The following TTL variants were observed in gnomAD, a reference collection of about 807,000 sequenced individuals.
The protein encoded by TTL is tubulin tyrosine ligase, also known as tubulin--tyrosine ligase.
A neutral mutation model predicts 41.1 loss-of-function variants in TTL; 10 were observed. That is an observed-to-expected ratio of 0.24 (90% CI 0.15 to 0.41). The LOEUF (loss-of-function observed/expected upper bound fraction) is 0.41. Among genes scored for constraint, TTL ranks in the 10% least tolerant of loss-of-function variants. The pLI, the probability that TTL is intolerant of heterozygous loss-of-function variation, is 1.00. For missense variants in TTL, 367 were observed against 460.4 expected (o/e 0.80, Z 1.86); for synonymous variants, 175 against 175.5 (o/e 1.00, Z 0.02).
intron 5 of TTL, among the ~76,000 whole-genome samples, chr2:112,513,186 A>G (rs1681970211): frequency 1.3e-5 from 2 of 152,062 alleles, no homozygotes; most frequent in Non-Finnish European, 1.5e-5. Context: ...TTTTATATAT[A>G]TATTTGCACA....
At chr2:112,521,816 G>C (rs1682240361) in intron 6 of TTL, among the ~76,000 whole-genome samples, 1 of 152,222 alleles carries the variant, frequency 6.6e-6, no homozygotes, top group Non-Finnish European at 1.5e-5. Context: ...CTTCAATGGA[G>C]AACAAAGGAT....
chr2:112,523,092 A>T (rs540374462), intron 6 of TTL, among the ~76,000 whole-genome samples: 3 of 151,842 alleles, frequency 2.0e-5, no homozygotes, highest in Non-Finnish European at 4.4e-5. Flanking sequence ...CCAAGTCACC[A>T]TTTCCCTTGA....
At chr2:112,518,326 CAG>C (rs527332667) in intron 5 of TTL, among the ~76,000 whole-genome samples, 6 of 138,054 alleles carry the variant, frequency 4.3e-5, no homozygotes, top group African/African-American at 1.5e-4. Flanking sequence ...TTGTGTAGAA[CAG>C]GGATTTTTTT....
At position 112,530,892 on chromosome 2, in the gene TTL, C is replaced by G. The variant is rs1445526315; in HGVS notation, c.*2097C>G. ...AATAAGTATCTTAGGAACTTATTTC[C>G]TTTTTAAAAAATATTTTTTAAATTT... is the stretch of plus-strand genomic sequence containing the variant. On this transcript the variant is annotated 3_prime_UTR_variant, in exon 7 of 7. Transcript: ENST00000233336. 1 of 179,742 alleles carries G rather than the reference C, an allele frequency of 5.6e-6. No individual in the cohort carries two copies. Among genetic ancestry groups the G allele is most frequent in the Admixed American group, 6.3e-5 (1 of 15,910 alleles). The allele number at this position is 179,742 out of a possible 1,614,324, so 11.1% of individuals were successfully genotyped here.
intron 4 of TTL, among the ~76,000 whole-genome samples, 189 bp downstream of exon 4, chr2:112,501,530 A>G (rs1191184992): frequency 6.6e-6 from 1 of 151,702 alleles, no homozygotes; most frequent in Admixed American, 6.6e-5. Context: ...TGTTTTTTCC[A>G]TCTAGAAAAT....
At position 112,530,579 on chromosome 2, in the gene TTL, G is replaced by A. The variant is rs1682483117; in HGVS notation, c.*1784G>A. 4.4e-6 allele frequency: 1 copy of A among 228,248 alleles called. No homozygotes were observed. The highest frequency in any genetic ancestry group is 6.2e-5 in the East Asian group (1 of 16,026). 14.1% of individuals were successfully genotyped at this position (228,248 alleles called of 1,614,324 possible). A position where few individuals can be genotyped will look rare whatever the true frequency, so the allele number is the denominator to read the frequency against. On this transcript the variant is annotated 3_prime_UTR_variant, in exon 7 of 7. Transcript: ENST00000233336. ...ATGTATACCCAGTTAGAACGTGTAG[G>A]GTTCTGGGTCCCTGGCAAGTCTAGG... is the stretch of plus-strand genomic sequence containing the variant.
chr2:112,501,738 G>T (rs1227902358), intron 4 of TTL, among the ~76,000 whole-genome samples: 1 of 151,890 alleles, frequency 6.6e-6, no homozygotes, highest in African/African-American at 2.4e-5. Flanking sequence ...ATGGTGGCAG[G>T]CACCTGTAAT....
At chr2:112,496,498 C>T (rs2104453923) in intron 3 of TTL, among the ~76,000 whole-genome samples, 1 of 152,266 alleles carries the variant, frequency 6.6e-6, no homozygotes, top group South Asian at 2.1e-4. Context: ...TAGCCACCTT[C>T]ACCTCTCACC....
intron 2 of TTL, among the ~76,000 whole-genome samples, chr2:112,492,279 T>A (rs949648525): frequency 1.3e-5 from 2 of 152,268 alleles, no homozygotes; most frequent in Non-Finnish European, 2.9e-5. Flanking sequence ...CATCCGTTTT[T>A]AAATTAAAGG....
intron 3 of TTL, among the ~76,000 whole-genome samples, chr2:112,497,617 A>G (rs1237068801): frequency 6.6e-6 from 1 of 151,928 alleles, no homozygotes; most frequent in Non-Finnish European, 1.5e-5. Context: ...AGCATGAGTC[A>G]TGTGTGTAGG....
In TTL at chr2:112,531,003, G is replaced by T. The variant is rs7604599; in HGVS notation, c.*2208G>T. 1 of 188,188 alleles carries T rather than the reference G, an allele frequency of 5.3e-6. No individual in the cohort carries two copies. The highest frequency in any genetic ancestry group is 1.1e-5 in the Non-Finnish European group (1 of 89,258). 11.7% of individuals were successfully genotyped at this position (188,188 alleles called of 1,614,324 possible). A position where few individuals can be genotyped will look rare whatever the true frequency, so the allele number is the denominator to read the frequency against. ...AATTTTACAGAGACGTGGTCTCACT[G>T]TGTTGCCCAGGCTGGATTGCAGTGG... On this transcript the variant is annotated 3_prime_UTR_variant, in exon 7 of 7. Transcript: ENST00000233336.
chr2:112,495,349 T>C (rs1226010873), intron 3 of TTL, among the ~76,000 whole-genome samples: 2 of 152,224 alleles, frequency 1.3e-5, no homozygotes, highest in East Asian at 3.8e-4. Flanking sequence ...TCTCCTATTA[T>C]TCTGTAGGCT....
intron 2 of TTL, among the ~76,000 whole-genome samples, chr2:112,491,153 G>A (rs546257200): frequency 6.6e-6 from 1 of 152,104 alleles, no homozygotes; most frequent in African/African-American, 2.4e-5. Context: ...CACCACACCC[G>A]GCTAATTTTT....
chr2:112,524,947 C>A (rs547198781), intron 6 of TTL, among the ~76,000 whole-genome samples: 33 of 152,302 alleles, frequency 2.2e-4, no homozygotes, highest in Non-Finnish European at 4.1e-4. Flanking sequence ...GTCATTAATG[C>A]GTCCTGAATT....
chr2:112,528,564 A>T, intron 6 of TTL, 117 bp from the exon 7 acceptor site: 1 of 774,022 alleles, frequency 1.3e-6, no homozygotes, highest in Non-Finnish European at 2.2e-6. Flanking sequence ...TGATCGCACC[A>T]CTGCATGCCA....
chr2:112,510,570 C>T (rs1681895492), intron 5 of TTL, among the ~76,000 whole-genome samples: 1 of 152,048 alleles, frequency 6.6e-6, no homozygotes, highest in Non-Finnish European at 1.5e-5. Flanking sequence ...CTCCTGGGTT[C>T]AAGCGATTCT....
In TTL at chr2:112,528,832, G is replaced by A; in HGVS notation, c.*37G>A. 1 of 1,492,276 alleles carries A rather than the reference G, an allele frequency of 6.7e-7. No homozygotes were observed. The highest frequency in any genetic ancestry group is 9.4e-7 in the Non-Finnish European group (1 of 1,068,936). The allele number at this position is 1,492,276 out of a possible 1,614,324, so 92.4% of individuals were successfully genotyped here. On this transcript the variant is annotated 3_prime_UTR_variant, in exon 7 of 7. Coordinates refer to ENST00000233336, the MANE Select transcript of TTL (RefSeq NM_153712.5). Reference sequence around the variant, plus strand: ...CCCTGCTGCCTTGGAAAAAGCACGGGGTCCTGCTCCAGGGAATGGTGAAAT... The same window carrying A: ...CCCTGCTGCCTTGGAAAAAGCACGGAGTCCTGCTCCAGGGAATGGTGAAAT...
At position 112,531,460 on chromosome 2, in the gene TTL, C is replaced by T. The variant is rs981616084; in HGVS notation, c.*2665C>T. On this transcript the variant is annotated 3_prime_UTR_variant, in exon 7 of 7. Transcript: ENST00000233336. ...AAGGGCTTTTGATGAGGACAAGTGA[C>T]AGTAGGAAGATGCAAGAGCCTTTAG... 4.4e-6 allele frequency: 1 copy of T among 229,506 alleles called. No individual in the cohort carries two copies. Among genetic ancestry groups the T allele is most frequent in the Middle Eastern group, 1.3e-3 (1 of 766 alleles). The allele number at this position is 229,506 out of a possible 1,614,324, so 14.2% of individuals were successfully genotyped here.
Position 112,482,356 on chromosome 2 carries a change from C to T in TTL, c.12C>T (p.Phe4=). 1.3e-6 allele frequency: 2 copies of T among 1,559,188 alleles called. No individual in the cohort carries two copies. Among genetic ancestry groups the T allele is most frequent in the Non-Finnish European group, 1.7e-6 (2 of 1,152,624 alleles). The change falls in exon 1 of 7, where the codon TTC becomes TTT. Residue 4 remains phenylalanine, a synonymous_variant. Transcript: ENST00000233336. The surrounding 1 kb of genome is among the most constrained non-coding windows in gnomAD (Gnocchi z 5.3). MYT[F]VVRDENSSVY... ...CGCGGCGCTTCGCCATGTACACCTT[C>T]GTGGTACGCGATGAGAACAGCAGCG...
Sources: gnomAD v4.1 joint callset for allele counts (sites outside exome capture counted in the v4.1 genomes callset) on GRCh38, gnomAD v4.1.1 for gene constraint, Gnocchi (gnomAD v3.1) non-coding constraint, MANE v1.5 for transcripts, NCBI Gene and HGNC (gene_info 2026-07-23, HGNC 2026-07-21) for gene names.